The following NCOA2 variants were observed in gnomAD, a reference collection of about 807,000 sequenced individuals.
The protein encoded by NCOA2 is nuclear receptor coactivator 2.
NCOA2 carries 21 observed loss-of-function variants against 145.1 expected under a neutral mutation model. That is an observed-to-expected ratio of 0.14 (90% CI 0.10 to 0.21). The LOEUF (loss-of-function observed/expected upper bound fraction) is 0.21, where lower values mean the gene tolerates loss of function less well. NCOA2 is among the 10% of genes least tolerant of loss of function. The probability of loss-of-function intolerance (pLI) is 1.00; values close to 1 mark genes in which losing one functional copy is unlikely to be tolerated. For missense variants in NCOA2, 1,472 were observed against 1,837.6 expected, an observed-to-expected ratio of 0.80 and a Z score of 3.64; for synonymous variants, 619 against 637.5, an observed-to-expected ratio of 0.97 and a Z score of 0.44.
At chr8:70,164,003 G>A (rs1430376433) in intron 7 of NCOA2, among the ~76,000 whole-genome samples, 2 of 152,172 alleles carry the variant, frequency 1.3e-5, no homozygotes, top group Admixed American at 6.5e-5. Flanking sequence ...TTTGCTTCTT[G>A]AGTTTTAGGG....
chr8:70,371,144 C>T (rs975038904), intron 1 of NCOA2, among the ~76,000 whole-genome samples: 4 of 151,936 alleles, frequency 2.6e-5, no homozygotes, highest in Non-Finnish European at 5.9e-5. Flanking sequence ...AAAAAATCAG[C>T]CGGGCGTGGT....
intron 1 of NCOA2, among the ~76,000 whole-genome samples, chr8:70,380,584 TTTA>T (rs1167828348): frequency 6.6e-6 from 1 of 152,110 alleles, no homozygotes; most frequent in Non-Finnish European, 1.5e-5. Context: ...ACTGTGTGTG[TTTA>T]TTAATGTTTC....
At chr8:70,297,894 C>CT (rs2135771383) in intron 1 of NCOA2, among the ~76,000 whole-genome samples, 1 of 152,278 alleles carries the variant, frequency 6.6e-6, no homozygotes, top group South Asian at 2.1e-4. Flanking sequence ...GAAGTATGTG[C>CT]TTACGGCATT....
At chr8:70,197,716 G>A (rs1032010492) in intron 4 of NCOA2, among the ~76,000 whole-genome samples, 4 of 152,148 alleles carry the variant, frequency 2.6e-5, no homozygotes, top group Non-Finnish European at 5.9e-5. Flanking sequence ...ATTTTAAACT[G>A]ACACAGCAGT....
At chr8:70,144,576 T>C in intron 13 of NCOA2, 66 bp downstream of exon 13, 2 of 1,288,966 alleles carry the variant, frequency 1.6e-6, no homozygotes, top group East Asian at 4.7e-5. Flanking sequence ...ACTAGTTTGA[T>C]GTGGATAAAT....
chr8:70,361,973 T>C (rs1810245368), intron 1 of NCOA2, among the ~76,000 whole-genome samples: 1 of 152,228 alleles, frequency 6.6e-6, no homozygotes. Flanking sequence ...ATGGCCGCAG[T>C]ATAAATGCTT....
intron 4 of NCOA2, among the ~76,000 whole-genome samples, chr8:70,196,035 G>A (rs1376218574): frequency 5.9e-5 from 9 of 152,212 alleles, no homozygotes; most frequent in Non-Finnish European, 4.4e-5. Context: ...TATTCAGATA[G>A]TGTTCATGGC....
At chr8:70,410,436 T>A in the NCOA2 span, among the ~76,000 whole-genome samples, 30 of 152,234 alleles carry the variant, frequency 2.0e-4, 2 homozygotes, top group East Asian at 5.4e-3. Context: ...ATATAGAATA[T>A]AATAATAACC....
intron 19 of NCOA2, among the ~76,000 whole-genome samples, chr8:70,125,936 C>T (rs1264532369): frequency 1.3e-5 from 2 of 152,144 alleles, no homozygotes; most frequent in African/African-American, 4.8e-5. Context: ...GTATTAAGTA[C>T]ACTTTTGCAT....
intron 13 of NCOA2, among the ~76,000 whole-genome samples, chr8:70,142,899 T>C (rs1227453847): frequency 6.6e-6 from 1 of 151,836 alleles, no homozygotes; most frequent in African/African-American, 2.4e-5. Flanking sequence ...AATTCAACAA[T>C]ATTACTGCAA....
chr8:70,255,402 A>G (rs1823552318), intron 2 of NCOA2, among the ~76,000 whole-genome samples: 1 of 152,248 alleles, frequency 6.6e-6, no homozygotes, highest in Non-Finnish European at 1.5e-5. Context: ...AAATGAAAGA[A>G]TAATAATTTA....
chr8:70,433,182 A>T, the NCOA2 span, among the ~76,000 whole-genome samples: 1 of 152,214 alleles, frequency 6.6e-6, no homozygotes, highest in Non-Finnish European at 1.5e-5. Context: ...GTCTCATAAC[A>T]TAATTCTATT....
intron 2 of NCOA2, among the ~76,000 whole-genome samples, chr8:70,227,726 C>G (rs1224134677): frequency 1.3e-5 from 2 of 152,034 alleles, no homozygotes; most frequent in Non-Finnish European, 2.9e-5. Context: ...AAAAATAAAC[C>G]AAATTAGGCC....
intron 2 of NCOA2, among the ~76,000 whole-genome samples, chr8:70,281,831 A>G (rs1340032843): frequency 2.6e-5 from 4 of 152,236 alleles, no homozygotes; most frequent in African/African-American, 7.2e-5. Flanking sequence ...CAAAGCCACT[A>G]TTAATCAGAA....
intron 1 of NCOA2, among the ~76,000 whole-genome samples, chr8:70,327,894 G>A (rs908553459): frequency 3.3e-5 from 5 of 152,096 alleles, no homozygotes; most frequent in African/African-American, 7.2e-5. Context: ...GCATTTTAAC[G>A]AACCAGCTAC....
At chr8:70,349,257 C>T (rs904176791) in intron 1 of NCOA2, among the ~76,000 whole-genome samples, 1 of 151,632 alleles carries the variant, frequency 6.6e-6, no homozygotes, top group African/African-American at 2.4e-5. Context: ...ATCATTACAC[C>T]CATAGATACA....
At chr8:70,125,193 C>G (rs565712532) in intron 19 of NCOA2, among the ~76,000 whole-genome samples, 1 of 149,904 alleles carries the variant, frequency 6.7e-6, no homozygotes, top group East Asian at 1.9e-4. Context: ...TTTTGATCAA[C>G]AAGAAATATA....
At chr8:70,233,107 C>T (rs2134260298) in intron 2 of NCOA2, among the ~76,000 whole-genome samples, 1 of 28,490 alleles carries the variant, frequency 3.5e-5, no homozygotes, top group South Asian at 4.3e-4. Flanking sequence ...CGCCTGTACT[C>T]CCAAGCTACT....
intron 1 of NCOA2, chr8:70,357,220 C>G (rs569102023): frequency 1.3e-5 from 2 of 152,084 alleles, no homozygotes; most frequent in African/African-American, 4.8e-5. Context: ...TCTCTATATG[C>G]CAGCAATGAA....
Sources: gnomAD v4.1 joint callset for allele counts (sites outside exome capture counted in the v4.1 genomes callset) on GRCh38, gnomAD v4.1.1 for gene constraint, MANE v1.5 for transcripts, NCBI Gene and HGNC (gene_info 2026-07-23, HGNC 2026-07-21) for gene names.